NCK2: variants seen among roughly 807,000 people sequenced by gnomAD.
NCK2 encodes cytoplasmic protein NCK2.
Under a neutral mutation model 33.9 loss-of-function variants are expected in NCK2, and 16 were observed. That is an observed-to-expected ratio of 0.47 (90% CI 0.32 to 0.72). The LOEUF (loss-of-function observed/expected upper bound fraction) is 0.72, where lower values mean the gene tolerates loss of function less well. Ranked by LOEUF, NCK2 falls within the 30% of genes least tolerant of loss-of-function variation. The probability of loss-of-function intolerance (pLI) is 0.03; values close to 1 mark genes in which losing one functional copy is unlikely to be tolerated. For missense variants in NCK2, 418 were observed against 537.3 expected, an observed-to-expected ratio of 0.78 and a Z score of 2.19; for synonymous variants, 273 against 239.9, an observed-to-expected ratio of 1.14 and a Z score of -1.27.
intron 1 of NCK2, among the ~76,000 whole-genome samples, chr2:105,783,319 C>T (rs1690562515): frequency 6.6e-6 from 1 of 152,190 alleles, no homozygotes; most frequent in Non-Finnish European, 1.5e-5. Flanking sequence ...CTTTGGGGAG[C>T]CTCTAAGAGT....
intron 1 of NCK2, among the ~76,000 whole-genome samples, chr2:105,776,236 A>G (rs1166455080): frequency 6.6e-6 from 1 of 152,242 alleles, no homozygotes; most frequent in African/African-American, 2.4e-5. Flanking sequence ...CTTCCGTCCC[A>G]GCGACAGAAA....
At chr2:105,863,469 G>A (rs947162278) in intron 3 of NCK2, among the ~76,000 whole-genome samples, 11 of 152,158 alleles carry the variant, frequency 7.2e-5, no homozygotes, top group East Asian at 1.9e-4. Context: ...ATGCAGACAC[G>A]ATGCAGCAAC....
intron 1 of NCK2, 101 bp from the exon 2 acceptor site, chr2:105,816,329 A>C (rs1675484756): frequency 6.6e-6 from 1 of 152,132 alleles, no homozygotes; most frequent in Admixed American, 6.5e-5. Flanking sequence ...ATAACAAAAA[A>C]ACCCATTAGT....
At chr2:105,882,229 A>C (rs1678536636) in intron 4 of NCK2, among the ~76,000 whole-genome samples, 180 bp downstream of exon 4, 1 of 152,226 alleles carries the variant, frequency 6.6e-6, no homozygotes, top group Admixed American at 6.5e-5. Context: ...TTTTGGGGAT[A>C]GTGGGTGTCC....
chr2:105,767,028 A>G (rs954390808), intron 1 of NCK2, among the ~76,000 whole-genome samples: 1 of 151,862 alleles, frequency 6.6e-6, no homozygotes, highest in Non-Finnish European at 1.5e-5. Flanking sequence ...TGTCACACCT[A>G]CTCTTATGGT....
At chr2:105,805,492 A>G (rs1674997633) in intron 1 of NCK2, among the ~76,000 whole-genome samples, 1 of 152,224 alleles carries the variant, frequency 6.6e-6, no homozygotes. Flanking sequence ...TTTTATAACT[A>G]TTAGCCTTTT....
At chr2:105,788,998 C>T (rs1690778510) in intron 1 of NCK2, among the ~76,000 whole-genome samples, 3 of 152,068 alleles carry the variant, frequency 2.0e-5, no homozygotes, top group East Asian at 1.9e-4. Context: ...TGACTGTGAA[C>T]GATTTAATGC....
chr2:105,749,226 T>C (rs1189962685), intron 1 of NCK2, among the ~76,000 whole-genome samples: 1 of 152,232 alleles, frequency 6.6e-6, no homozygotes, highest in Non-Finnish European at 1.5e-5. Flanking sequence ...TAGTTATTTG[T>C]GTCACCCCTT....
At chr2:105,831,511 G>A (rs939272576) in intron 2 of NCK2, among the ~76,000 whole-genome samples, 14 of 151,666 alleles carry the variant, frequency 9.2e-5, no homozygotes, top group African/African-American at 3.4e-4. Flanking sequence ...CTTCTAGTAG[G>A]TTTATAGTTT....
At chr2:105,892,909 A>G in intron 4 of NCK2, 73 bp from the exon 5 acceptor site, 1 of 1,302,892 alleles carries the variant, frequency 7.7e-7, no homozygotes, top group Admixed American at 2.1e-5. Context: ...TTAGACGCAC[A>G]AGAGATGTGG....
intron 1 of NCK2, among the ~76,000 whole-genome samples, chr2:105,814,974 T>G (rs779716893): frequency 6.6e-6 from 1 of 152,218 alleles, no homozygotes; most frequent in Non-Finnish European, 1.5e-5. Flanking sequence ...AGAGGTGGTG[T>G]TTGGGGCATG....
chr2:105,818,289 G>GAGGGGGA (rs1237139424), intron 2 of NCK2, among the ~76,000 whole-genome samples: 1 of 97,324 alleles, frequency 1.0e-5, no homozygotes, highest in African/African-American at 3.9e-5. Flanking sequence ...GGGGTGGGGG[G>GAGGGGGA]AGGGGGGAGG....
intron 1 of NCK2, among the ~76,000 whole-genome samples, chr2:105,750,348 C>A (rs1046678242): frequency 6.6e-6 from 1 of 152,298 alleles, no homozygotes; most frequent in Non-Finnish European, 1.5e-5. Flanking sequence ...CCTTTTTTAA[C>A]CTTAATTGCC....
At chr2:105,779,323 AAG>A (rs1491407003) in intron 1 of NCK2, among the ~76,000 whole-genome samples, 1 of 151,892 alleles carries the variant, frequency 6.6e-6, no homozygotes, top group African/African-American at 2.4e-5. Context: ...AAAAAAAAAA[AAG>A]AATCCGTCAT....
At chr2:105,795,312 T>C (rs1055113635) in intron 1 of NCK2, among the ~76,000 whole-genome samples, 2 of 151,280 alleles carry the variant, frequency 1.3e-5, no homozygotes, top group African/African-American at 2.4e-5. Flanking sequence ...ATTTTTTTTT[T>C]CCTCAAATAA....
At chr2:105,855,362 G>T in intron 3 of NCK2, 73 bp downstream of exon 3, 1 of 1,078,890 alleles carries the variant, frequency 9.3e-7, no homozygotes, top group Non-Finnish European at 1.2e-6. Context: ...TAGTTAGTTT[G>T]CTGTTTCAAA....
chr2:105,823,132 C>CTGTGTGTGTGTGTGTGTG (rs10610689), intron 2 of NCK2, among the ~76,000 whole-genome samples: 1 of 148,530 alleles, frequency 6.7e-6, no homozygotes, highest in Non-Finnish European at 1.5e-5. Flanking sequence ...TCCTCTCATG[C>CTGTGTGTGTGTGTGTGTG]TGTGTGTGTG....
At chr2:105,868,412 TC>T (rs1677844947) in intron 3 of NCK2, among the ~76,000 whole-genome samples, 1 of 152,316 alleles carries the variant, frequency 6.6e-6, no homozygotes, top group Admixed American at 6.5e-5. Flanking sequence ...CTGCGTTCCT[TC>T]CTGGAAGCAG....
chr2:105,818,908 T>A (rs759750149), intron 2 of NCK2, among the ~76,000 whole-genome samples: 14 of 152,190 alleles, frequency 9.2e-5, no homozygotes, highest in Non-Finnish European at 1.8e-4. Flanking sequence ...AAAAATCTCT[T>A]GGAACCTTTT....
Sources: allele counts gnomAD v4.1 joint callset (sites outside exome capture counted in the v4.1 genomes callset), GRCh38; gene constraint gnomAD v4.1.1; transcripts MANE v1.5; gene names NCBI Gene and HGNC (gene_info 2026-07-23, HGNC 2026-07-21).